DDX59: variants seen among roughly 807,000 people sequenced by gnomAD.
DDX59 encodes DEAD-box helicase 59.
DDX59 carries 30 observed loss-of-function variants against 51.9 expected under a neutral mutation model. That is an observed-to-expected ratio of 0.58 (90% CI 0.43 to 0.78). The LOEUF is 0.78. Among genes scored for constraint, DDX59 ranks in the 30% least tolerant of loss-of-function variants. The pLI is 0.00. For synonymous variants in DDX59, 255 were observed against 253.3 expected (o/e 1.01, Z -0.06); for missense variants, 672 against 730.8 (o/e 0.92, Z 0.93).
At chr1:200,663,767 T>TC (rs1662526921) in intron 3 of DDX59, 152 bp downstream of exon 3, 1 of 554,902 alleles carries the variant, frequency 1.8e-6, no homozygotes, top group Non-Finnish European at 2.6e-6. Context: ...TAAAACAAAC[T>TC]AAAAAAAAAA....
At chr1:200,652,353 T>TCATC (rs1291246236) in intron 4 of DDX59, among the ~76,000 whole-genome samples, 1 of 152,170 alleles carries the variant, frequency 6.6e-6, no homozygotes, top group African/African-American at 2.4e-5. Context: ...TAATGTGCTG[T>TCATC]CATCCATATT....
At position 200,649,230 on chromosome 1, in the gene DDX59, A is replaced by C. The variant is rs147137498; in HGVS notation, c.1315-4T>G. The C allele has an allele frequency of 4.0e-4, 630 of 1,562,218 alleles. 1 individual carries two copies. The African/African-American group carries it at 8.2e-3, about 20-fold the overall frequency. ...GAGGCTTAAAGAGTTTCTTATCCTG[A>C]AAAATTAAAAACATATATCAAAAAT... On this transcript the variant is annotated splice_region_variant and splice_polypyrimidine_tract_variant and intron_variant, in intron 5 of 7. Transcript: ENST00000331314.
downstream of DDX59, chr1:200,641,015 C>T (rs1661033013): frequency 2.5e-5 from 9 of 360,364 alleles, no homozygotes; most frequent in South Asian, 1.7e-4. Flanking sequence ...ACACTGTGGC[C>T]CTAGAGCCTC....
rs1661156110 is a variant in DDX59 at position 200,644,299 on chromosome 1, A to C, written c.1815T>G (p.Leu605=). 1 of 1,594,648 alleles carries C rather than the reference A, an allele frequency of 6.3e-7. No individual in the cohort carries two copies. The highest frequency in any genetic ancestry group is 8.5e-7 in the Non-Finnish European group (1 of 1,172,928). The part of the protein sequence containing the change: ...TQNDLVTGAN[L]MDIIRKHDKS... ...TATCATGTTTTCTGATAATATCCATAAGATTAGCTCCTGTAACCAGATCAT... is the reference window on the plus strand; with the variant it reads ...TATCATGTTTTCTGATAATATCCATCAGATTAGCTCCTGTAACCAGATCAT... The change falls in exon 8 of 8, where the codon CTT becomes CTG. Residue 605 remains leucine (L), a synonymous_variant. Coordinates refer to ENST00000331314, the MANE Select transcript of DDX59 (RefSeq NM_001031725.6).
intron 3 of DDX59, among the ~76,000 whole-genome samples, chr1:200,663,638 T>A (rs1352795191): frequency 6.6e-6 from 1 of 152,184 alleles, no homozygotes; most frequent in African/African-American, 2.4e-5. Flanking sequence ...CTAAGGATTA[T>A]GCCAACCCAC....
intron 2 of DDX59, 120 bp downstream of exon 2, chr1:200,665,817 G>A (rs1357944926): frequency 9.2e-7 from 1 of 1,085,992 alleles, no homozygotes; most frequent in East Asian, 2.6e-5. Context: ...AGGCACTAGT[G>A]ACTAAAATTC....
intron 5 of DDX59, among the ~76,000 whole-genome samples, chr1:200,650,176 C>T (rs1571617092): frequency 6.6e-6 from 1 of 152,100 alleles, no homozygotes; most frequent in South Asian, 2.1e-4. Flanking sequence ...GAACATATTC[C>T]TTAGGAATAA....
At chr1:200,645,596 A>G (rs773922084) in intron 7 of DDX59, among the ~76,000 whole-genome samples, 50 of 152,328 alleles carry the variant, frequency 3.3e-4, no homozygotes, top group African/African-American at 1.2e-3. Context: ...TTAAATGGAC[A>G]CAAATTTATG....
chr1:200,646,651 C>T (rs138902814), intron 7 of DDX59, among the ~76,000 whole-genome samples: 3 of 152,216 alleles, frequency 2.0e-5, no homozygotes, highest in Non-Finnish European at 2.9e-5. Context: ...AAGCCGCAGG[C>T]GAGAATGTAA....
chr1:200,644,690 T>G (rs568563397), intron 7 of DDX59, among the ~76,000 whole-genome samples, 173 bp from the exon 8 acceptor site: 1 of 151,584 alleles, frequency 6.6e-6, no homozygotes, highest in Non-Finnish European at 1.5e-5. Flanking sequence ...AGGTCAGGAG[T>G]TTGAGACCAG....
At chr1:200,653,403 T>C (rs1373244157) in intron 4 of DDX59, among the ~76,000 whole-genome samples, 1 of 152,120 alleles carries the variant, frequency 6.6e-6, no homozygotes. Flanking sequence ...TGACACTGAC[T>C]CCATTAATCA....
rs149130498 is a variant in DDX59 at position 200,653,701 on chromosome 1, C to T, written c.1063-3025G>A. Among the ~76,000 whole-genome samples the T allele has an allele frequency of 3.3e-3, 510 of 152,314 alleles. 2 individuals carry two copies. Among genetic ancestry groups the T allele is most frequent in the African/African-American group, 0.011 (467 of 41,562 alleles). ...CTCCAAGCACTCTCCCCTCACTGCT[C>T]GTGACTCTGCCACACCAGCCTTCCT... On this transcript the variant is annotated intron_variant, in intron 4 of 7. Coordinates refer to ENST00000331314, the MANE Select transcript of DDX59 (RefSeq NM_001031725.6).
downstream of DDX59, chr1:200,641,135 T>C (rs1313372060): frequency 2.3e-6 from 3 of 1,294,440 alleles, no homozygotes; most frequent in South Asian, 1.2e-5. Context: ...TTACCTCTTG[T>C]ACCATACCTC....
At chr1:200,649,566 T>C (rs964571674) in intron 5 of DDX59, among the ~76,000 whole-genome samples, 4 of 147,254 alleles carry the variant, frequency 2.7e-5, no homozygotes, top group African/African-American at 7.5e-5. Context: ...GAGGTAGAGG[T>C]TGCAGTGAGC....
chr1:200,659,222 C>A, intron 3 of DDX59, 106 bp from the exon 4 acceptor site: 1 of 804,290 alleles, frequency 1.2e-6, no homozygotes, highest in Admixed American at 2.3e-5. Context: ...CTGTGTTAAG[C>A]ACCCAGAATT....
intron 3 of DDX59, among the ~76,000 whole-genome samples, chr1:200,661,386 A>T (rs1050008914): frequency 1.5e-4 from 23 of 152,174 alleles, no homozygotes; most frequent in Non-Finnish European, 2.8e-4. Context: ...TATTTACTAA[A>T]CTCAAAGGGG....
chr1:200,648,375 A>G, intron 7 of DDX59, 64 bp downstream of exon 7: 8 of 1,597,798 alleles, frequency 5.0e-6, no homozygotes, highest in Non-Finnish European at 6.8e-6. Context: ...TGGTTATCAC[A>G]TTGACAATGC....
chr1:200,648,032 G>C (rs879084319), intron 7 of DDX59, among the ~76,000 whole-genome samples: 1 of 133,826 alleles, frequency 7.5e-6, no homozygotes, highest in Admixed American at 7.4e-5. Context: ...CTTTTTTTTG[G>C]GGGGGGGGAG....
rs770870679 is a variant in DDX59 at position 200,648,550 on chromosome 1, G to A, written c.1485C>T (p.Asp495=). 7.4e-6 allele frequency: 12 copies of A among 1,613,328 alleles called. No individual in the cohort carries two copies. The African/African-American group carries it at 1.3e-4, about 18-fold the overall frequency. Residue 495 remains aspartate, a synonymous_variant, in exon 7 of 8, where the codon GAC becomes GAT. Coordinates refer to ENST00000331314, the MANE Select transcript of DDX59 (RefSeq NM_001031725.6). ...CTCCTGTGCTCACTACAACTTCATA[G>A]TCTCCTTCAAGTAATCCCTTTCCAA... ...KNILKGLLEG[D]YEVVVSTGVL... is the part of the protein sequence containing the mutation.
Sources: allele counts gnomAD v4.1 joint callset (sites outside exome capture counted in the v4.1 genomes callset), GRCh38; gene constraint gnomAD v4.1.1; transcripts MANE v1.5; gene names NCBI Gene and HGNC (gene_info 2026-07-23, HGNC 2026-07-21).